BMERB1: variants seen among roughly 807,000 people sequenced by gnomAD.
BMERB1 encodes bMERB domain containing 1.
Under a neutral mutation model 23.6 loss-of-function variants are expected in BMERB1, and 12 were observed. That is an observed-to-expected ratio of 0.51 (90% CI 0.33 to 0.82). The LOEUF (loss-of-function observed/expected upper bound fraction) is 0.82, where lower values mean the gene tolerates loss of function less well. Ranked by LOEUF, BMERB1 falls within the 40% of genes least tolerant of loss-of-function variation. BMERB1 has a pLI of 0.03. For missense variants in BMERB1, 247 were observed against 255.4 expected, an observed-to-expected ratio of 0.97 and a Z score of 0.22; for synonymous variants, 122 against 96.6, an observed-to-expected ratio of 1.26 and a Z score of -1.54.
At chr16:15,585,332 A>G (rs1205393689) in intron 5 of BMERB1, among the ~76,000 whole-genome samples, 1 of 152,214 alleles carries the variant, frequency 6.6e-6, no homozygotes, top group African/African-American at 2.4e-5. Context: ...AGCATGCACC[A>G]CATGCAAGGG....
At chr16:15,528,021 C>T (rs944216080) in intron 2 of BMERB1, among the ~76,000 whole-genome samples, 4 of 152,162 alleles carry the variant, frequency 2.6e-5, no homozygotes, top group Admixed American at 1.3e-4. Context: ...CATCTCTGTC[C>T]TGCAGCCAGA....
At chr16:15,571,481 T>C (rs1443299577) in intron 3 of BMERB1, among the ~76,000 whole-genome samples, 1 of 151,578 alleles carries the variant, frequency 6.6e-6, no homozygotes, top group Non-Finnish European at 1.5e-5. Flanking sequence ...GTCTCCCGAG[T>C]AGCTGGGAGC....
intron 2 of BMERB1, among the ~76,000 whole-genome samples, chr16:15,555,654 G>T (rs953809676): frequency 6.6e-6 from 1 of 152,060 alleles, no homozygotes; most frequent in Non-Finnish European, 1.5e-5. Flanking sequence ...AGACATATTG[G>T]CCTTCCAGGG....
At chr16:15,493,207 C>G (rs1005710265) in intron 1 of BMERB1, among the ~76,000 whole-genome samples, 3 of 151,824 alleles carry the variant, frequency 2.0e-5, no homozygotes, top group Admixed American at 1.3e-4. Flanking sequence ...ACAAAATTAG[C>G]CAGGCGTGGT....
At chr16:15,444,235 A>T (rs2050971064) in intron 1 of BMERB1, among the ~76,000 whole-genome samples, 1 of 146,492 alleles carries the variant, frequency 6.8e-6, no homozygotes. Context: ...GTTGGAAGCC[A>T]GCACAGGTAA....
chr16:15,458,254 C>T (rs1337917233), intron 1 of BMERB1, among the ~76,000 whole-genome samples: 5 of 152,148 alleles, frequency 3.3e-5, no homozygotes, highest in African/African-American at 7.2e-5. Flanking sequence ...TGTATTACAA[C>T]GGCTGACTTT....
chr16:15,546,823 A>G (rs1187745748), intron 2 of BMERB1, among the ~76,000 whole-genome samples: 2 of 152,112 alleles, frequency 1.3e-5, no homozygotes, highest in African/African-American at 2.4e-5. Flanking sequence ...CACACTCCCA[A>G]TAAACTTGTT....
chr16:15,547,334 TTTC>T (rs753103957), intron 2 of BMERB1, among the ~76,000 whole-genome samples: 117 of 149,998 alleles, frequency 7.8e-4, no homozygotes, highest in Admixed American at 1.3e-3. Flanking sequence ...GCTTTGTTTT[TTTC>T]TTCTTCTTTT....
At chr16:15,465,049 C>T (rs1289871715) in intron 1 of BMERB1, among the ~76,000 whole-genome samples, 2 of 152,056 alleles carry the variant, frequency 1.3e-5, no homozygotes, top group Admixed American at 6.6e-5. Context: ...GGAACAGTTG[C>T]GTGTCTTGAT....
intron 2 of BMERB1, among the ~76,000 whole-genome samples, chr16:15,561,399 CTGGG>C (rs2030417831): frequency 6.7e-6 from 1 of 149,488 alleles, no homozygotes; most frequent in Non-Finnish European, 1.5e-5. Context: ...CTCCTGAGAA[CTGGG>C]GATTACAGGC....
chr16:15,493,164 C>G (rs2051438619), intron 1 of BMERB1, among the ~76,000 whole-genome samples: 2 of 151,982 alleles, frequency 1.3e-5, no homozygotes, highest in Non-Finnish European at 2.9e-5. Context: ...ACCAGCCTGA[C>G]CAACATGGAG....
intron 1 of BMERB1, among the ~76,000 whole-genome samples, chr16:15,471,638 TA>T (rs1317455606): frequency 1.3e-5 from 2 of 152,202 alleles, no homozygotes; most frequent in Non-Finnish European, 2.9e-5. Context: ...TTTTTAGAGA[TA>T]GGGGTCTTGC....
At position 15,471,316 on chromosome 16, in the gene BMERB1, A is replaced by G. The variant is rs183558005; in HGVS notation, c.106+36557A>G. On this transcript the variant is annotated intron_variant, in intron 1 of 5. Transcript: ENST00000300006. ...ATAATTTGAAAGCTCACAAAGAGAAATATCCAGGCAATTTCTGGAGATTTC... is the reference window on the plus strand; with the variant it reads ...ATAATTTGAAAGCTCACAAAGAGAAGTATCCAGGCAATTTCTGGAGATTTC... Among the ~76,000 whole-genome samples, 944 of 152,322 alleles carry G rather than the reference A, an allele frequency of 6.2e-3. 5 individuals carry two copies. The highest frequency in any genetic ancestry group is 0.019 in the South Asian group (92 of 4,830).
At position 15,443,685 on chromosome 16, in the gene BMERB1, A is replaced by C. The variant is rs145396180; in HGVS notation, c.106+8926A>C. Among the ~76,000 whole-genome samples the C allele has an allele frequency of 3.4e-3, 523 of 152,188 alleles. 4 individuals carry two copies. Among genetic ancestry groups the C allele is most frequent in the African/African-American group, 0.012 (498 of 41,548 alleles). On this transcript the variant is annotated intron_variant, in intron 1 of 5. Transcript: ENST00000300006. ...GTAATCCCAGCACTTTGGGAGGCCA[A>C]GGTGGGAGGATCACCTGAGGTCAGG...
At position 15,586,774 on chromosome 16, in the gene BMERB1, C is replaced by A. The variant is rs149422405; in HGVS notation, c.560C>A (p.Thr187Lys). 6.2e-7 allele frequency: 1 copy of A among 1,612,684 alleles called. No individual in the cohort carries two copies. Among genetic ancestry groups the A allele is most frequent in the Admixed American group, 1.7e-5 (1 of 59,806 alleles). ...CCTAGCAAGCCCACGGTGGCCAAGA[C>A]GGGGCTGGCACTGATCAAGGATTGT... Reference protein sequence around the residue: ...PPPSKPTVAKTGLALIKDCCG... With the variant: ...PPPSKPTVAKKGLALIKDCCG... The change falls in exon 6 of 6, where the codon ACG becomes AAG. Residue 187 changes from threonine (T) to lysine (K), a missense_variant. By Grantham distance (78) the Thr-to-Lys change is moderately conservative. Transcript: ENST00000300006.
chr16:15,582,556 ATTTT>A (rs934521258), intron 4 of BMERB1, among the ~76,000 whole-genome samples: 1 of 148,940 alleles, frequency 6.7e-6, no homozygotes, highest in Admixed American at 6.7e-5. Context: ...TATCTCTACA[ATTTT>A]TTTTTTTAAT....
intron 2 of BMERB1, among the ~76,000 whole-genome samples, chr16:15,538,269 T>C (rs2052044657): frequency 6.6e-6 from 1 of 152,134 alleles, no homozygotes; most frequent in African/African-American, 2.4e-5. Flanking sequence ...CTGGCCAACA[T>C]GGTGAAACAC....
At chr16:15,552,497 C>CAA (rs1252848357) in intron 2 of BMERB1, among the ~76,000 whole-genome samples, 2 of 152,114 alleles carry the variant, frequency 1.3e-5, no homozygotes, top group Non-Finnish European at 2.9e-5. Context: ...CTGTCTCCTT[C>CAA]AAAGGAGTGA....
At position 15,515,443 on chromosome 16, in the gene BMERB1, G is replaced by C. The variant is rs543718782; in HGVS notation, c.230+15G>C. On this transcript the variant is annotated intron_variant, in intron 2 of 5. Coordinates refer to ENST00000300006, the MANE Select transcript of BMERB1 (RefSeq NM_033201.3). Reference sequence around the variant, plus strand: ...CTCAGGTTCATGTGAGTGTTTTGGGGATGTGGCCAAGGAAAGAAGTGTGTG... The same window carrying C: ...CTCAGGTTCATGTGAGTGTTTTGGGCATGTGGCCAAGGAAAGAAGTGTGTG... The C allele has an allele frequency of 6.2e-7, 1 of 1,611,680 alleles. No individual in the cohort carries two copies. Among genetic ancestry groups the C allele is most frequent in the African/African-American group, 1.3e-5 (1 of 74,844 alleles).
Sources: allele counts gnomAD v4.1 joint callset (sites outside exome capture counted in the v4.1 genomes callset), GRCh38; gene constraint gnomAD v4.1.1; transcripts MANE v1.5; gene names NCBI Gene and HGNC (gene_info 2026-07-23, HGNC 2026-07-21).